Variants in XKR5 observed in about 807,000 individuals in gnomAD.
The protein encoded by XKR5 is XK related 5, also known as XK-related protein 5.
Under a neutral mutation model 40.8 loss-of-function variants are expected in XKR5, and 46 were observed. The ratio of observed to expected loss-of-function variants is 1.13; its 90% confidence interval spans 0.89 to 1.44. XKR5 has a LOEUF of 1.44. XKR5 is among the 40% of genes most tolerant of loss of function. XKR5 has a pLI of 0.00. For missense variants in XKR5, 1,169 were observed against 844.7 expected (o/e 1.38, Z -4.76); for synonymous variants, 466 against 356.1 (o/e 1.31, Z -3.48).
At chr8:6,815,034 G>T (rs1015831646) in intron 6 of XKR5, among the ~76,000 whole-genome samples, 2 of 152,222 alleles carry the variant, frequency 1.3e-5, no homozygotes, top group African/African-American at 4.8e-5. Context: ...GAGGACTGGG[G>T]AATCTCTGTC....
intron 1 of XKR5, among the ~76,000 whole-genome samples, chr8:6,834,744 C>A (rs1404046983): frequency 6.6e-6 from 1 of 152,220 alleles, no homozygotes; most frequent in East Asian, 1.9e-4. Context: ...CGGAGACGCT[C>A]CTCCCGGCAC....
chr8:6,817,939 T>C (rs527827102), intron 5 of XKR5, among the ~76,000 whole-genome samples: 1 of 152,274 alleles, frequency 6.6e-6, no homozygotes, highest in Non-Finnish European at 1.5e-5. Flanking sequence ...ACACTCACAT[T>C]TACGATCCCA....
At chr8:6,826,919 T>C (rs1043312789) in intron 2 of XKR5, among the ~76,000 whole-genome samples, 1 of 152,166 alleles carries the variant, frequency 6.6e-6, no homozygotes, top group Non-Finnish European at 1.5e-5. Flanking sequence ...TCACCCAGCC[T>C]GGGTGGTCCT....
At chr8:6,826,707 G>C (rs1804501785) in intron 2 of XKR5, among the ~76,000 whole-genome samples, 1 of 152,180 alleles carries the variant, frequency 6.6e-6, no homozygotes, top group African/African-American at 2.4e-5. Flanking sequence ...TTGAGGGACT[G>C]GAAGTGGCCA....
chr8:6,824,963 A>C (rs1038252155), intron 3 of XKR5, among the ~76,000 whole-genome samples: 2 of 152,348 alleles, frequency 1.3e-5, no homozygotes, highest in African/African-American at 2.4e-5. Context: ...CATGACCCTT[A>C]AGAAAGAAGG....
At chr8:6,830,115 G>A (rs145490472) in intron 2 of XKR5, among the ~76,000 whole-genome samples, 290 of 152,288 alleles carry the variant, frequency 1.9e-3, no homozygotes, top group African/African-American at 6.7e-3. Flanking sequence ...GGGATTACAG[G>A]CGTGAGCCAC....
intron 1 of XKR5, 85 bp downstream of exon 1, chr8:6,835,351 G>A (rs907660706): frequency 3.1e-6 from 4 of 1,305,586 alleles, no homozygotes; most frequent in Middle Eastern, 2.8e-4. Context: ...TGCCCGCCCG[G>A]GCATAGGCAG....
intron 2 of XKR5, among the ~76,000 whole-genome samples, chr8:6,828,139 AAAAC>A (rs1460580318): frequency 9.9e-5 from 15 of 152,222 alleles, no homozygotes; most frequent in Admixed American, 5.2e-4. Context: ...GTGTGGAAAG[AAAAC>A]ATACAAATGC....
At chr8:6,828,755 A>G (rs1252122987) in intron 2 of XKR5, among the ~76,000 whole-genome samples, 1 of 152,178 alleles carries the variant, frequency 6.6e-6, no homozygotes, top group Non-Finnish European at 1.5e-5. Flanking sequence ...ATCTGTCTAC[A>G]GGCTCATTTG....
rs569740088 is a variant in XKR5, at chr8:6,818,750, C to T, written c.808-2832G>A. On this transcript the variant is annotated intron_variant, in intron 5 of 6. Transcript: ENST00000618742. ...CACTTTATAAAAGCTCCCCTGAGTG[C>T]CACTGACAACCAGCAGGGCTGAGGC... is the stretch of plus-strand genomic sequence containing the variant. 1.3e-3 allele frequency among the ~76,000 whole-genome samples: 204 copies of T among 152,306 alleles called. 1 individual carries two copies. Among genetic ancestry groups the T allele is most frequent in the African/African-American group, 4.7e-3 (194 of 41,568 alleles).
rs9314611 is a variant in XKR5, at chr8:6,809,063, A to G, written c.*2135T>C. The G allele has an allele frequency of 0.41, 61,741 of 152,130 alleles. 13,405 individuals are homozygous for G. The highest frequency in any genetic ancestry group is 0.58 in the East Asian group (2,964 of 5,136). The allele number at this position is 152,130 out of a possible 1,614,324, so 9.4% of individuals were successfully genotyped here. ...TCACCAGAGGGCAAAGGGCAGTGGA[A>G]TACAACCTGGGGACAGAGGGTAGGT... is the stretch of plus-strand genomic sequence containing the variant. On this transcript the variant is annotated 3_prime_UTR_variant, in exon 7 of 7. Transcript: ENST00000618742.
At position 6,808,956 on chromosome 8, in the gene XKR5, T is replaced by A. The variant is rs535782579; in HGVS notation, c.*2242A>T. On this transcript the variant is annotated 3_prime_UTR_variant, in exon 7 of 7. Coordinates refer to ENST00000618742, the MANE Select transcript of XKR5 (RefSeq NM_207411.5). ...CGCCTACTTTTGCTGGACACTCTGC[T>A]GGACCTTGGAGTTAGCCCAGAAGGA... 1 of 152,240 alleles carries A rather than the reference T, an allele frequency of 6.6e-6. No individual in the cohort carries two copies. Among genetic ancestry groups the A allele is most frequent in the East Asian group, 1.9e-4 (1 of 5,200 alleles). The allele number at this position is 152,240 out of a possible 1,614,324, so 9.4% of individuals were successfully genotyped here.
chr8:6,811,666 C>G lies in XKR5; in HGVS notation c.1593G>C (p.Gln531His), dbSNP rs769453552. 1 of 1,537,594 alleles carries G rather than the reference C, an allele frequency of 6.5e-7. No individual in the cohort carries two copies. Among genetic ancestry groups the G allele is most frequent in the Non-Finnish European group, 8.7e-7 (1 of 1,147,044 alleles). ...GTQGKGTGGQ[Q>H]RGGEGQQSST... is the part of the protein sequence containing the mutation. Reference sequence around the variant, plus strand: ...AACTCTGCTGTCCTTCCCCTCCTCTCTGCTGCCCACCTGTCCCCTTCCCCT... The same window carrying G: ...AACTCTGCTGTCCTTCCCCTCCTCTGTGCTGCCCACCTGTCCCCTTCCCCT... Residue 531 changes from glutamine to histidine, a missense_variant, in exon 7 of 7, where the codon CAG becomes CAC. Gln to His is a conservative substitution (Grantham distance 24). Transcript: ENST00000618742.
chr8:6,815,951 G>C (rs140515588), intron 5 of XKR5, 33 bp from the exon 6 acceptor site: 7 of 1,516,600 alleles, frequency 4.6e-6, no homozygotes, highest in Non-Finnish European at 6.3e-6. Context: ...ACCACACCTC[G>C]TCAGGTGCAC....
At chr8:6,821,841 A>AGTTAGG (rs1563354766) in intron 5 of XKR5, 28 bp downstream of exon 5, 2 of 1,606,208 alleles carry the variant, frequency 1.2e-6, no homozygotes, top group Admixed American at 3.4e-5. Context: ...ACACTGTAAA[A>AGTTAGG]GTTAGGATAA....
intron 1 of XKR5, among the ~76,000 whole-genome samples, chr8:6,834,608 G>T (rs1372635887): frequency 6.6e-6 from 1 of 152,202 alleles, no homozygotes; most frequent in Non-Finnish European, 1.5e-5. Flanking sequence ...CGGAAGCAGC[G>T]GGACCTGCGG....
intron 2 of XKR5, among the ~76,000 whole-genome samples, chr8:6,831,812 G>A (rs755539258): frequency 2.4e-4 from 36 of 152,198 alleles, no homozygotes; most frequent in Non-Finnish European, 2.5e-4. Context: ...TCAGGAGACC[G>A]AGACGATGCT....
chr8:6,820,923 T>G (rs1443231479), intron 5 of XKR5, among the ~76,000 whole-genome samples: 1 of 152,226 alleles, frequency 6.6e-6, no homozygotes, highest in East Asian at 1.9e-4. Context: ...AAGTCTCTCC[T>G]TTTCATATGA....
At chr8:6,825,831 G>A (rs938851639) in intron 2 of XKR5, among the ~76,000 whole-genome samples, 11 of 152,178 alleles carry the variant, frequency 7.2e-5, no homozygotes, top group South Asian at 2.1e-4. Context: ...TCTGTGCTGC[G>A]AAAACTGGGG....
Sources: allele counts gnomAD v4.1 joint callset (sites outside exome capture counted in the v4.1 genomes callset), GRCh38; gene constraint gnomAD v4.1.1; transcripts MANE v1.5; gene names NCBI Gene and HGNC (gene_info 2026-07-23, HGNC 2026-07-21).